The following UBE2L3 variants were observed in gnomAD, a reference collection of about 807,000 sequenced individuals.
The protein encoded by UBE2L3 is ubiquitin conjugating enzyme E2 L3.
A neutral mutation model predicts 17.8 loss-of-function variants in UBE2L3; 1 was observed. That is an observed-to-expected ratio of 0.06 (90% CI 0.02 to 0.27). The LOEUF (loss-of-function observed/expected upper bound fraction) is 0.27. Among genes scored for constraint, UBE2L3 ranks in the 10% least tolerant of loss-of-function variants. UBE2L3 has a pLI of 1.00. For synonymous variants in UBE2L3, 44 were observed against 68.5 expected, an observed-to-expected ratio of 0.64 and a Z score of 1.76; for missense variants, 40 against 192.6, an observed-to-expected ratio of 0.21 and a Z score of 4.69.
chr22:21,558,418 G>A (rs1926314626), intron 1 of UBE2L3, among the ~76,000 whole-genome samples: 1 of 152,242 alleles, frequency 6.6e-6, no homozygotes, highest in African/African-American at 2.4e-5. Flanking sequence ...GGATCACGAG[G>A]TCAGGAGATC....
chr22:21,561,224 T>C (rs1926419882), intron 1 of UBE2L3, among the ~76,000 whole-genome samples: 1 of 152,306 alleles, frequency 6.6e-6, no homozygotes, highest in African/African-American at 2.4e-5. Flanking sequence ...TTGATAGCAG[T>C]TCTGACCCAG....
At chr22:21,590,101 GT>G (rs1928176053) in intron 1 of UBE2L3, among the ~76,000 whole-genome samples, 1 of 152,056 alleles carries the variant, frequency 6.6e-6, no homozygotes, top group Non-Finnish European at 1.5e-5. Flanking sequence ...GCAAGATACA[GT>G]TTTTCACTCT....
upstream of UBE2L3, among the ~76,000 whole-genome samples, chr22:21,565,866 T>C (rs924202688): frequency 6.7e-6 from 1 of 150,058 alleles, no homozygotes; most frequent in Non-Finnish European, 1.5e-5. Context: ...TCCAAACCAC[T>C]GTCACCTCTT....
intron 1 of UBE2L3, among the ~76,000 whole-genome samples, chr22:21,561,302 G>A (rs1348139296): frequency 3.3e-5 from 5 of 152,304 alleles, no homozygotes; most frequent in Admixed American, 2.0e-4. Context: ...CAGGCTAGGT[G>A]TGGTGGCTAA....
chr22:21,572,929 G>A (rs1172791363), intron 1 of UBE2L3, among the ~76,000 whole-genome samples: 1 of 152,078 alleles, frequency 6.6e-6, no homozygotes, highest in Non-Finnish European at 1.5e-5. Context: ...GTCACCTGGC[G>A]GATTCTGCTG....
intron 1 of UBE2L3, among the ~76,000 whole-genome samples, chr22:21,579,238 T>C (rs1927496296): frequency 6.6e-6 from 1 of 151,994 alleles, no homozygotes; most frequent in South Asian, 2.1e-4. Context: ...GTTATCCACC[T>C]GCCTCGGCCT....
rs1481194151 is a variant in UBE2L3, at chr22:21,623,149, C to G, written c.*1480C>G. ...TGTGGAGAAGATGACTTAAACTTTG[C>G]TTTTTGTTTTAATTTTAATTCTATA... On this transcript the variant is annotated 3_prime_UTR_variant, in exon 4 of 4. Coordinates refer to ENST00000342192, the MANE Select transcript of UBE2L3 (RefSeq NM_003347.4). 1.3e-5 allele frequency: 2 copies of G among 152,250 alleles called. No homozygotes were observed. Among genetic ancestry groups the G allele is most frequent in the African/African-American group, 4.8e-5 (2 of 41,418 alleles). 9.4% of individuals were successfully genotyped at this position (152,250 alleles called of 1,614,324 possible). A position where few individuals can be genotyped will look rare whatever the true frequency, so the allele number is the denominator to read the frequency against.
chr22:21,561,154 C>T (rs1341475353), intron 1 of UBE2L3, among the ~76,000 whole-genome samples: 1 of 152,294 alleles, frequency 6.6e-6, no homozygotes, highest in South Asian at 2.1e-4. Context: ...CTCTGACCAG[C>T]CAGATGACTG....
At chr22:21,563,567 A>C (rs1376303087), upstream of UBE2L3, among the ~76,000 whole-genome samples, 1 of 147,450 alleles carries the variant, frequency 6.8e-6, no homozygotes, top group East Asian at 2.1e-4. Context: ...TCTCAAAAAA[A>C]AAAAATTAAT....
intron 1 of UBE2L3, among the ~76,000 whole-genome samples, chr22:21,561,212 G>C (rs1926419423): frequency 6.6e-6 from 1 of 152,306 alleles, no homozygotes; most frequent in South Asian, 2.1e-4. Context: ...CTGTAAATGG[G>C]GTTGATAGCA....
intron 1 of UBE2L3, among the ~76,000 whole-genome samples, chr22:21,570,373 A>G (rs1209861213): frequency 2.6e-5 from 4 of 152,208 alleles, no homozygotes; most frequent in Non-Finnish European, 5.9e-5. Flanking sequence ...ATTAAGTATT[A>G]GGTTATTTAC....
intron 2 of UBE2L3, among the ~76,000 whole-genome samples, chr22:21,595,869 A>C (rs1434605682): frequency 6.6e-6 from 1 of 151,604 alleles, no homozygotes; most frequent in Non-Finnish European, 1.5e-5. Context: ...TTTTTCATGC[A>C]GTTTCTTTTT....
At chr22:21,616,515 G>A (rs182434918) in intron 3 of UBE2L3, among the ~76,000 whole-genome samples, 9 of 152,040 alleles carry the variant, frequency 5.9e-5, no homozygotes, top group African/African-American at 1.2e-4. Flanking sequence ...AGCTGGGCAC[G>A]GTGGCGTGCA....
chr22:21,558,629 CAA>C (rs131645), intron 1 of UBE2L3, among the ~76,000 whole-genome samples: 1,263 of 77,050 alleles, frequency 0.016, 2 homozygotes, highest in African/African-American at 0.046. Context: ...GACTCTGTCT[CAA>C]AAAAAAAAAA....
intron 2 of UBE2L3, among the ~76,000 whole-genome samples, chr22:21,600,315 A>AAAAAC (rs921748192): frequency 5.9e-5 from 9 of 152,296 alleles, no homozygotes; most frequent in East Asian, 3.9e-4. Flanking sequence ...CTCCATCTAA[A>AAAAAC]AAAACAAAAC....
At chr22:21,588,314 A>AT (rs1191091059) in intron 1 of UBE2L3, among the ~76,000 whole-genome samples, 3 of 151,960 alleles carry the variant, frequency 2.0e-5, no homozygotes, top group Non-Finnish European at 4.4e-5. Flanking sequence ...TCCTTCCCTA[A>AT]TTCTTCACTG....
chr22:21,569,767 A>T (rs1926857155), intron 1 of UBE2L3, among the ~76,000 whole-genome samples: 1 of 152,204 alleles, frequency 6.6e-6, no homozygotes, highest in Non-Finnish European at 1.5e-5. Context: ...TATATGCATG[A>T]TCATGTTTAA....
At chr22:21,611,138 A>G in intron 3 of UBE2L3, 95 bp downstream of exon 3, 2 of 1,367,142 alleles carry the variant, frequency 1.5e-6, no homozygotes, top group Non-Finnish European at 2.0e-6. Context: ...GAATCCAGAG[A>G]ATCTTTCAGG....
At chr22:21,571,977 T>G (rs1458557284) in intron 1 of UBE2L3, among the ~76,000 whole-genome samples, 3 of 152,208 alleles carry the variant, frequency 2.0e-5, no homozygotes, top group African/African-American at 7.2e-5. Context: ...CTTTGTGAAT[T>G]GAGAAAAACG....
Sources: allele counts gnomAD v4.1 joint callset (sites outside exome capture counted in the v4.1 genomes callset), GRCh38; gene constraint gnomAD v4.1.1; transcripts MANE v1.5; gene names NCBI Gene and HGNC (gene_info 2026-07-23, HGNC 2026-07-21).